TTF2: variants seen among roughly 807,000 people sequenced by gnomAD.
The protein encoded by TTF2 is transcription termination factor 2.
Under a neutral mutation model 142.4 loss-of-function variants are expected in TTF2, and 108 were observed. The observed-to-expected ratio is 0.76, with a 90% confidence interval of 0.65 to 0.89. The LOEUF is 0.89. Ranked by LOEUF, TTF2 falls within the 40% of genes least tolerant of loss-of-function variation. The pLI is 0.00. For synonymous variants in TTF2, 483 were observed against 506.2 expected, an observed-to-expected ratio of 0.95 and a Z score of 0.61; for missense variants, 1,327 against 1,379.8, an observed-to-expected ratio of 0.96 and a Z score of 0.61.
In TTF2 at chr1:117,092,912, TCTC is replaced by T; in HGVS notation, c.2976+15_2976+17del. On this transcript the variant is annotated intron_variant, in intron 18 of 22. Coordinates refer to ENST00000369466, the MANE Select transcript of TTF2 (RefSeq NM_003594.4). The surrounding 1 kb of genome is among the most constrained non-coding windows in gnomAD (Gnocchi z 4.4). ...CGAGAGAGCACCAAGGTACTTTTTG[TCTC>T]CTCTGTAGTAGTCGAGAGACTTCGA... is the stretch of plus-strand genomic sequence containing the variant. 6.2e-7 allele frequency: 1 copy of T among 1,614,128 alleles called. No homozygotes were observed. Among genetic ancestry groups the T allele is most frequent in the Non-Finnish European group, 8.5e-7 (1 of 1,180,004 alleles).
In TTF2 at chr1:117,087,323, C is replaced by T. The variant is rs1292413760; in HGVS notation, c.2160+801C>T. ...TATTTATTTATTTGAGGCAGAATCT[C>T]ACTCTGTCGCCCAGGATGGAGTGCA... On this transcript the variant is annotated intron_variant, in intron 12 of 22. Coordinates refer to ENST00000369466, the MANE Select transcript of TTF2 (RefSeq NM_003594.4). The surrounding 1 kb of genome is among the most constrained non-coding windows in gnomAD (Gnocchi z 4.8). 1.3e-5 allele frequency among the ~76,000 whole-genome samples: 2 copies of T among 152,134 alleles called. No individual in the cohort carries two copies. The highest frequency in any genetic ancestry group is 2.4e-5 in the African/African-American group (1 of 41,434).
At chr1:117,088,138 A>G (rs1245231805) in intron 12 of TTF2, among the ~76,000 whole-genome samples, 1 of 152,208 alleles carries the variant, frequency 6.6e-6, no homozygotes, top group East Asian at 1.9e-4. Flanking sequence ...TTGTTAGTAA[A>G]TTTAGTAAAA....
intron 3 of TTF2, among the ~76,000 whole-genome samples, chr1:117,068,932 T>C (rs1303373440): frequency 6.6e-6 from 1 of 152,240 alleles, no homozygotes; most frequent in Non-Finnish European, 1.5e-5. Flanking sequence ...TTGCTTTTTG[T>C]CTTACAATTT....
chr1:117,085,407 G>A lies in TTF2; in HGVS notation c.2055-1010G>A, dbSNP rs1388608140. On this transcript the variant is annotated intron_variant, in intron 11 of 22. Transcript: ENST00000369466. This position sits in a 1 kb window ranked among gnomAD's most constrained non-coding sequence, Gnocchi z 4.7. ...ATCTCTACCAAAAATACAAAAATTA[G>A]CTGGGTGTGGTGGTGTGCACTTGTA... 6.6e-6 allele frequency among the ~76,000 whole-genome samples: 1 copy of A among 152,108 alleles called. No individual in the cohort carries two copies. Among genetic ancestry groups the A allele is most frequent in the Non-Finnish European group, 1.5e-5 (1 of 68,032 alleles).
intron 3 of TTF2, among the ~76,000 whole-genome samples, chr1:117,065,368 G>A (rs1402443653): frequency 6.6e-6 from 1 of 152,184 alleles, no homozygotes; most frequent in African/African-American, 2.4e-5. Context: ...GGAGGCCAAG[G>A]CGGGCGGATC....
intron 2 of TTF2, among the ~76,000 whole-genome samples, chr1:117,061,909 A>G (rs1655715028): frequency 6.6e-6 from 1 of 152,238 alleles, no homozygotes; most frequent in Non-Finnish European, 1.5e-5. Flanking sequence ...ATATATATTT[A>G]AATTTTTTCA....
rs1649718728 is a variant in TTF2 at position 117,103,158 on chromosome 1, CAGCCCTTCT to C, written c.*1636_*1644del. The C allele has an allele frequency of 6.6e-6, 1 of 152,246 alleles. No individual in the cohort carries two copies. The highest frequency in any genetic ancestry group is 2.4e-5 in the African/African-American group (1 of 41,464). The allele number at this position is 152,246 out of a possible 1,614,324, so 9.4% of individuals were successfully genotyped here. A position where few individuals can be genotyped will look rare whatever the true frequency, so the allele number is the denominator to read the frequency against. On this transcript the variant is annotated 3_prime_UTR_variant, in exon 23 of 23. Coordinates refer to ENST00000369466, the MANE Select transcript of TTF2 (RefSeq NM_003594.4). ...AGTTCTTAGCCTAGTTTTTGGCCAT[CAGCCCTTCT>C]ATTAGACTAGTGAAGCCTCAGTCCC... is the stretch of plus-strand genomic sequence containing the variant.
Position 117,097,491 on chromosome 1 carries a change from A to C in TTF2, c.3269+58A>C. The stretch of plus-strand genomic sequence containing the variant: ...AGCACATCAAGGAGGCCAGTGGGCT[A>C]CAGGGGCAGCAAGAACTGACTTCTT... On this transcript the variant is annotated intron_variant, in intron 21 of 22. Coordinates refer to ENST00000369466, the MANE Select transcript of TTF2 (RefSeq NM_003594.4). The surrounding 1 kb of genome is among the most constrained non-coding windows in gnomAD (Gnocchi z 4.1). 6.6e-7 allele frequency: 1 copy of C among 1,511,368 alleles called. No individual in the cohort carries two copies. Among genetic ancestry groups the C allele is most frequent in the Admixed American group, 1.7e-5 (1 of 59,816 alleles). 93.6% of individuals were successfully genotyped at this position (1,511,368 alleles called of 1,614,324 possible). A position where few individuals can be genotyped will look rare whatever the true frequency, so the allele number is the denominator to read the frequency against.
Position 117,090,541 on chromosome 1 carries a change from C to G in TTF2, c.2506C>G (p.Pro836Ala). Residue 836 changes from proline to alanine, a missense_variant, in exon 15 of 23, where the codon CCC becomes GCC. By Grantham distance (27) the Pro-to-Ala change is conservative (BLOSUM62 -1). Transcript: ENST00000369466. The surrounding 1 kb of genome is among the most constrained non-coding windows in gnomAD (Gnocchi z 4.8). ...DSTGRPLVIL[P>A]QRKFQLHHLK... ...TTTTTTATTCTTCCAGGTGATACTGCCCCAGCGTAAATTTCAGTTGCACCA... is the reference window on the plus strand; with the variant it reads ...TTTTTTATTCTTCCAGGTGATACTGGCCCAGCGTAAATTTCAGTTGCACCA... 3.1e-6 allele frequency: 5 copies of G among 1,613,630 alleles called. No individual in the cohort carries two copies. The highest frequency in any genetic ancestry group is 4.2e-6 in the Non-Finnish European group (5 of 1,179,782).
chr1:117,085,231 C>T lies in TTF2; in HGVS notation c.2054+1063C>T, dbSNP rs1157833626. 6.6e-6 allele frequency among the ~76,000 whole-genome samples: 1 copy of T among 152,144 alleles called. No individual in the cohort carries two copies. The highest frequency in any genetic ancestry group is 1.5e-5 in the Non-Finnish European group (1 of 68,024). ...GACACTGCTGCCTCTCTGAATTAGG[C>T]ATATCATTTTTATCAAAAGTATTTA... is the stretch of plus-strand genomic sequence containing the variant. On this transcript the variant is annotated intron_variant, in intron 11 of 22. Coordinates refer to ENST00000369466, the MANE Select transcript of TTF2 (RefSeq NM_003594.4). This position sits in a 1 kb window ranked among gnomAD's most constrained non-coding sequence, Gnocchi z 4.7.
chr1:117,080,805 A>G lies in TTF2; in HGVS notation c.1784-1023A>G, dbSNP rs1647434675. On this transcript the variant is annotated intron_variant, in intron 9 of 22. Transcript: ENST00000369466. This position sits in a 1 kb window ranked among gnomAD's most constrained non-coding sequence, Gnocchi z 4.3. ...GGGCAGAATCCAGGGGAAACCAGGT[A>G]CAAGCTTCCAGTGTCCTCCCAGTGG... 6.6e-6 allele frequency among the ~76,000 whole-genome samples: 1 copy of G among 152,244 alleles called. No individual in the cohort carries two copies. Among genetic ancestry groups the G allele is most frequent in the African/African-American group, 2.4e-5 (1 of 41,474 alleles).
rs1648511310 is a variant in TTF2, at chr1:117,090,791, G to T, written c.2588+168G>T. On this transcript the variant is annotated intron_variant, in intron 15 of 22. Transcript: ENST00000369466. The surrounding 1 kb of genome is among the most constrained non-coding windows in gnomAD (Gnocchi z 4.8). ...CATTTTTCTCCTTCTCCCCTCCCCA[G>T]CTTACCTCTGTCTCATACACACATG... is the stretch of plus-strand genomic sequence containing the variant. Among the ~76,000 whole-genome samples the T allele has an allele frequency of 6.6e-6, 1 of 151,072 alleles. No individual in the cohort carries two copies. The highest frequency in any genetic ancestry group is 6.6e-5 in the Admixed American group (1 of 15,156).
Position 117,080,762 on chromosome 1 carries a change from C to T in TTF2, c.1784-1066C>T, listed in dbSNP as rs142357388. ...GTGAAAGGCTATAGATCAAAATCAA[C>T]AAAAGGAAAAGTCACAGGGGCAGAA... is the stretch of plus-strand genomic sequence containing the variant. On this transcript the variant is annotated intron_variant, in intron 9 of 22. Coordinates refer to ENST00000369466, the MANE Select transcript of TTF2 (RefSeq NM_003594.4). This position sits in a 1 kb window ranked among gnomAD's most constrained non-coding sequence, Gnocchi z 4.3. Among the ~76,000 whole-genome samples the T allele has an allele frequency of 6.6e-6, 1 of 152,284 alleles. No homozygotes were observed. The highest frequency in any genetic ancestry group is 1.9e-4 in the East Asian group (1 of 5,184).
chr1:117,061,054 C>T (rs1389272103), intron 2 of TTF2, among the ~76,000 whole-genome samples: 1 of 152,214 alleles, frequency 6.6e-6, no homozygotes, highest in Non-Finnish European at 1.5e-5. Context: ...TTCTCTGCAT[C>T]TAAATGGTGA....
In TTF2 at chr1:117,084,079, T is replaced by A; in HGVS notation, c.1965T>A (p.His655Gln). 1.2e-6 allele frequency: 2 copies of A among 1,614,190 alleles called. No individual in the cohort carries two copies. The highest frequency in any genetic ancestry group is 1.7e-5 in the Admixed American group (1 of 60,024). ...TCTGTCCTGCCTCCCTGATCCATCATTGGAAAAATGAGGTGGAGAAACGGG... is the reference window on the plus strand; with the variant it reads ...TCTGTCCTGCCTCCCTGATCCATCAATGGAAAAATGAGGTGGAGAAACGGG... ...LIICPASLIHHWKNEVEKRVN... is the reference protein window; with the variant it reads ...LIICPASLIHQWKNEVEKRVN... The change falls in exon 11 of 23, where the codon CAT becomes CAA. Residue 655 changes from histidine to glutamine, a missense_variant. His to Gln is a conservative substitution (Grantham distance 24). Coordinates refer to ENST00000369466, the MANE Select transcript of TTF2 (RefSeq NM_003594.4).
intron 18 of TTF2, chr1:117,094,544 C>CT (rs1557829705): frequency 6.4e-6 from 3 of 465,438 alleles, no homozygotes; most frequent in Non-Finnish European, 4.4e-6. Flanking sequence ...TGTTCGGAAG[C>CT]TTTAACAATG....
In TTF2 at chr1:117,076,712, C is replaced by T. The variant is rs1170805905; in HGVS notation, c.1462C>T (p.His488Tyr). ...CACCAAAACTACCACTGGCCCTCCC[C>T]ACCTGGTGCCTCCCCAACCCCTTCC... Reference protein sequence around the residue: ...HFTKTTTGPPHLVPPQPLPRR... With the variant: ...HFTKTTTGPPYLVPPQPLPRR... The change falls in exon 7 of 23, where the codon CAC becomes TAC. Residue 488 changes from histidine to tyrosine, a missense_variant. Physicochemically the swap from His to Tyr is moderately conservative, Grantham distance 83. Coordinates refer to ENST00000369466, the MANE Select transcript of TTF2 (RefSeq NM_003594.4). The surrounding 1 kb of genome is among the most constrained non-coding windows in gnomAD (Gnocchi z 4.6). 6.2e-7 allele frequency: 1 copy of T among 1,614,144 alleles called. No homozygotes were observed.
chr1:117,096,835 G>A (rs188417424), intron 20 of TTF2, among the ~76,000 whole-genome samples: 15 of 152,250 alleles, frequency 9.9e-5, no homozygotes, highest in African/African-American at 3.6e-4. Context: ...TAACAGCAGA[G>A]CTGGTTAGGT....
Position 117,101,370 on chromosome 1 carries a change from T to C in TTF2, c.3345-10T>C. 6.4e-7 allele frequency: 1 copy of C among 1,571,718 alleles called. No homozygotes were observed. The highest frequency in any genetic ancestry group is 8.6e-7 in the Non-Finnish European group (1 of 1,168,158). ...TGATAGTTTGCTTATTTTTTGTTTT[T>C]GTTTTTTAGATTTGTTTGTGAGGGA... is the stretch of plus-strand genomic sequence containing the variant. On this transcript the variant is annotated splice_polypyrimidine_tract_variant and intron_variant, in intron 22 of 22. Coordinates refer to ENST00000369466, the MANE Select transcript of TTF2 (RefSeq NM_003594.4). The surrounding 1 kb of genome is among the most constrained non-coding windows in gnomAD (Gnocchi z 5.9).
Sources: allele counts gnomAD v4.1 joint callset (sites outside exome capture counted in the v4.1 genomes callset), GRCh38; gene constraint gnomAD v4.1.1; non-coding constraint Gnocchi (gnomAD v3.1); transcripts MANE v1.5; gene names NCBI Gene and HGNC (gene_info 2026-07-23, HGNC 2026-07-21).